Variants in NLK observed in about 807,000 individuals in gnomAD.
NLK encodes the protein nemo like kinase, also known as serine/threonine-protein kinase NLK.
NLK carries 11 observed loss-of-function variants against 59.0 expected under a neutral mutation model. That is an observed-to-expected ratio of 0.19 (90% CI 0.12 to 0.31). The LOEUF (loss-of-function observed/expected upper bound fraction) is 0.31. Among genes scored for constraint, NLK ranks in the 10% least tolerant of loss-of-function variants. The probability of loss-of-function intolerance (pLI) is 1.00; values close to 1 mark genes in which losing one functional copy is unlikely to be tolerated. For missense variants in NLK, 410 were observed against 661.1 expected, an observed-to-expected ratio of 0.62 and a Z score of 4.16; for synonymous variants, 235 against 235.9, an observed-to-expected ratio of 1.00 and a Z score of 0.03.
intron 7 of NLK, among the ~76,000 whole-genome samples, chr17:28,176,466 A>C (rs1003464198): frequency 6.6e-6 from 1 of 152,222 alleles, no homozygotes; most frequent in African/African-American, 2.4e-5. Context: ...CTAGCTCATT[A>C]AATTCTCACA....
chr17:28,175,979 G>GT (rs1027027475), intron 7 of NLK, among the ~76,000 whole-genome samples: 5 of 151,938 alleles, frequency 3.3e-5, no homozygotes, highest in Non-Finnish European at 5.9e-5. Context: ...ATAAGCTTCA[G>GT]TTTTTTTTAT....
At chr17:28,186,874 G>T (rs973483626) in intron 8 of NLK, among the ~76,000 whole-genome samples, 2 of 152,160 alleles carry the variant, frequency 1.3e-5, no homozygotes, top group African/African-American at 4.8e-5. Flanking sequence ...TGACAAAGTG[G>T]CAGTTCTTGC....
At chr17:28,057,364 T>G (rs934602073) in intron 1 of NLK, among the ~76,000 whole-genome samples, 5 of 152,232 alleles carry the variant, frequency 3.3e-5, no homozygotes, top group Admixed American at 1.3e-4. Context: ...CAACTCACTG[T>G]TCCATGTAAT....
At chr17:28,126,695 A>G (rs1366239231) in intron 2 of NLK, among the ~76,000 whole-genome samples, 2 of 152,138 alleles carry the variant, frequency 1.3e-5, no homozygotes, top group Non-Finnish European at 2.9e-5. Flanking sequence ...TTACACACAT[A>G]CACACACACA....
At chr17:28,116,028 A>G (rs1015498481) in intron 1 of NLK, among the ~76,000 whole-genome samples, 1 of 152,168 alleles carries the variant, frequency 6.6e-6, no homozygotes, top group African/African-American at 2.4e-5. Flanking sequence ...GTATTTTAAA[A>G]CAAATCCTAG....
chr17:28,042,872 G>C lies in NLK; in HGVS notation c.-2G>C. On this transcript the variant is annotated 5_prime_UTR_variant, in exon 1 of 11. Coordinates refer to ENST00000407008, the MANE Select transcript of NLK (RefSeq NM_016231.5). Reference sequence around the variant, plus strand: ...TTTCCAATCAAAGGGCATTTATTTTGAATGTCTCTTTGTGGCGCAAGAGCC... The same window carrying C: ...TTTCCAATCAAAGGGCATTTATTTTCAATGTCTCTTTGTGGCGCAAGAGCC... 1.3e-6 allele frequency: 2 copies of C among 1,485,356 alleles called. No individual in the cohort carries two copies. The highest frequency in any genetic ancestry group is 1.8e-6 in the Non-Finnish European group (2 of 1,109,760). 92.0% of individuals were successfully genotyped at this position (1,485,356 alleles called of 1,614,324 possible).
At chr17:28,059,202 C>A (rs770711236) in intron 1 of NLK, among the ~76,000 whole-genome samples, 6 of 151,686 alleles carry the variant, frequency 4.0e-5, no homozygotes, top group Non-Finnish European at 8.8e-5. Flanking sequence ...CACACACTGG[C>A]GGAATTTTTA....
chr17:28,147,531 A>AG (rs796404591), intron 3 of NLK, among the ~76,000 whole-genome samples: 44 of 152,320 alleles, frequency 2.9e-4, no homozygotes, highest in African/African-American at 1.1e-3. Flanking sequence ...GCAAGAGGTC[A>AG]GGAGAGGCTT....
chr17:28,158,177 A>C (rs565399493), intron 3 of NLK, among the ~76,000 whole-genome samples: 1 of 152,230 alleles, frequency 6.6e-6, no homozygotes, highest in African/African-American at 2.4e-5. Flanking sequence ...GGTATAACCT[A>C]TTCCTCTTAG....
chr17:28,121,701 G>A (rs547535569), intron 1 of NLK, among the ~76,000 whole-genome samples: 1 of 151,240 alleles, frequency 6.6e-6, no homozygotes, highest in East Asian at 2.0e-4. Context: ...GTTTCACCAT[G>A]TTGGCCAGGC....
intron 6 of NLK, chr17:28,171,134 G>A (rs1472973650): frequency 6.6e-6 from 1 of 152,124 alleles, no homozygotes; most frequent in African/African-American, 2.4e-5. Context: ...CCTTTAGTGT[G>A]GTTGTTAGAG....
At chr17:28,147,301 A>G (rs1380407238) in intron 3 of NLK, among the ~76,000 whole-genome samples, 1 of 152,146 alleles carries the variant, frequency 6.6e-6, no homozygotes, top group Non-Finnish European at 1.5e-5. Context: ...GTACTCAATC[A>G]TCTTATTTAT....
intron 1 of NLK, among the ~76,000 whole-genome samples, chr17:28,110,618 C>G (rs2142802231): frequency 6.6e-6 from 1 of 152,006 alleles, no homozygotes; most frequent in African/African-American, 2.4e-5. Context: ...CTGATATTCC[C>G]ATTGCATGCA....
intron 3 of NLK, among the ~76,000 whole-genome samples, chr17:28,142,795 G>C (rs550104735): frequency 7.0e-4 from 107 of 152,024 alleles, no homozygotes; most frequent in Admixed American, 1.3e-3. Flanking sequence ...TTTCAGACAG[G>C]AATGGCAGGA....
intron 4 of NLK, 39 bp from the exon 5 acceptor site, chr17:28,163,504 G>T: frequency 8.5e-7 from 1 of 1,181,954 alleles, no homozygotes; most frequent in South Asian, 1.3e-5. Flanking sequence ...TGAGTAAAAG[G>T]AATTAAATAT....
intron 7 of NLK, among the ~76,000 whole-genome samples, chr17:28,177,578 T>A (rs1908734647): frequency 6.6e-6 from 1 of 152,224 alleles, no homozygotes; most frequent in Non-Finnish European, 1.5e-5. Context: ...GTGTTCTGCC[T>A]TCATTTTCAA....
intron 3 of NLK, among the ~76,000 whole-genome samples, chr17:28,153,346 C>T (rs765148887): frequency 7.9e-5 from 12 of 151,636 alleles, no homozygotes; most frequent in Non-Finnish European, 1.2e-4. Context: ...ATACCATAAA[C>T]TGGGTGGTTT....
At chr17:28,075,286 C>A (rs1910129191) in intron 1 of NLK, among the ~76,000 whole-genome samples, 1 of 152,218 alleles carries the variant, frequency 6.6e-6, no homozygotes. Flanking sequence ...CTAGCAACTT[C>A]TTTTTGTAAA....
chr17:28,191,958 T>A (rs1021797650), intron 9 of NLK, among the ~76,000 whole-genome samples, 162 bp from the exon 10 acceptor site: 3 of 152,184 alleles, frequency 2.0e-5, no homozygotes, highest in Admixed American at 6.5e-5. Flanking sequence ...CATTTTAGTT[T>A]TAGGAAGTTC....
Sources: gnomAD v4.1 joint callset for allele counts (sites outside exome capture counted in the v4.1 genomes callset) on GRCh38, gnomAD v4.1.1 for gene constraint, MANE v1.5 for transcripts, NCBI Gene and HGNC (gene_info 2026-07-23, HGNC 2026-07-21) for gene names.